Variants in DMD observed in about 807,000 individuals in gnomAD.
DMD encodes mutant dystrophin.
A neutral mutation model predicts 330.1 loss-of-function variants in DMD; 63 were observed. The observed-to-expected ratio is 0.19, with a 90% CI of 0.16 to 0.24. The LOEUF is 0.24. DMD is among the 10% of genes least tolerant of loss of function. The pLI, the probability that DMD is intolerant of heterozygous loss-of-function variation, is 1.00. For synonymous variants in DMD, 1,223 were observed against 959.8 expected (o/e 1.27, Z -5.07); for missense variants, 3,344 against 2,684.1 (o/e 1.25, Z -5.43).
intron 61 of DMD, among the ~76,000 whole-genome samples, chrX:31,328,682 C>A (rs1209590599): frequency 1.8e-5 from 2 of 110,295 alleles, no homozygotes; most frequent in Non-Finnish European, 3.8e-5. Flanking sequence ...TCCTTATATT[C>A]CAATGGGAAT....
At chrX:31,824,330 C>A (rs957314683) in intron 49 of DMD, among the ~76,000 whole-genome samples, 6 of 109,655 alleles carry the variant, frequency 5.5e-5, no homozygotes, top group African/African-American at 2.0e-4. Context: ...GTGGTGAGAT[C>A]TTGGCTCACT....
intron 7 of DMD, among the ~76,000 whole-genome samples, chrX:32,738,080 G>C (rs1237007963): frequency 1.8e-5 from 2 of 111,580 alleles, no homozygotes; most frequent in African/African-American, 6.5e-5. Flanking sequence ...AATGAGACTA[G>C]AGCTCAAGTG....
chrX:31,679,828 A>C (rs2082277815), intron 52 of DMD, among the ~76,000 whole-genome samples: 1 of 112,083 alleles, frequency 8.9e-6, no homozygotes. Context: ...ATTTTAACTC[A>C]ATTCTTGATC....
At chrX:32,297,273 T>G (rs1365013506) in intron 42 of DMD, among the ~76,000 whole-genome samples, 1 of 107,047 alleles carries the variant, frequency 9.3e-6, no homozygotes, top group Non-Finnish European at 1.9e-5. Context: ...ATTTATTTAT[T>G]ATTTATTTAT....
intron 24 of DMD, 125 bp from the exon 25 acceptor site, chrX:32,463,719 T>C (rs2098391563): frequency 3.4e-6 from 2 of 593,871 alleles, no homozygotes; most frequent in Non-Finnish European, 4.8e-6. Flanking sequence ...TCTTTTAAAA[T>C]CTGAGATACA....
At chrX:32,511,117 G>A (rs1342738619) in intron 18 of DMD, among the ~76,000 whole-genome samples, 1 of 109,951 alleles carries the variant, frequency 9.1e-6, no homozygotes, top group Non-Finnish European at 1.9e-5. Context: ...CATCTTCAAT[G>A]AAATTTGGAC....
chrX:32,799,786 A>G (rs919046098), intron 7 of DMD, among the ~76,000 whole-genome samples: 7 of 111,128 alleles, frequency 6.3e-5, no homozygotes, highest in African/African-American at 2.3e-4. Flanking sequence ...GCATAAACAT[A>G]CATAATTTAT....
intron 1 of DMD, among the ~76,000 whole-genome samples, chrX:33,267,597 A>G (rs941544021): frequency 1.8e-5 from 2 of 111,759 alleles, no homozygotes; most frequent in African/African-American, 6.5e-5. Flanking sequence ...ATCACACTAC[A>G]GTACTTCACC....
At chrX:33,240,049 T>C (rs1473210429) in intron 1 of DMD, among the ~76,000 whole-genome samples, 1 of 111,521 alleles carries the variant, frequency 9.0e-6, no homozygotes, top group Non-Finnish European at 1.9e-5. Flanking sequence ...ATGTAAGCAT[T>C]CCATAAAATC....
chrX:31,651,977 C>T (rs2148579027), intron 54 of DMD, among the ~76,000 whole-genome samples: 1 of 112,030 alleles, frequency 8.9e-6, no homozygotes, highest in Admixed American at 9.4e-5. Context: ...AGTCCACAGG[C>T]CTAAAAGGCC....
intron 44 of DMD, among the ~76,000 whole-genome samples, chrX:32,010,411 T>A (rs2150402308): frequency 9.0e-6 from 1 of 111,683 alleles, no homozygotes; most frequent in Non-Finnish European, 1.9e-5. Context: ...ATTTGCCAAA[T>A]GCTGCAAATC....
intron 11 of DMD, among the ~76,000 whole-genome samples, chrX:32,637,545 T>C (rs1227335235): frequency 8.9e-6 from 1 of 111,760 alleles, no homozygotes; most frequent in Non-Finnish European, 1.9e-5. Flanking sequence ...GGTACCAATG[T>C]ACTGTACTAG....
In DMD at chrX:32,573,602, ATCT is replaced by A; in HGVS notation, c.1737_1739del (p.Glu579del). On this transcript the variant is annotated inframe_deletion, in exon 15 of 79. Coordinates refer to ENST00000357033, the MANE Select transcript of DMD (RefSeq NM_004006.3). ...CAGTTGTGTGAATCTTGTTCACTGC[ATCT>A]TCTTTTTCTGAAAGCCATGCACTAA... 1 of 1,211,802 alleles carries A rather than the reference ATCT, an allele frequency of 8.3e-7. No homozygotes were observed. The highest frequency in any genetic ancestry group is 1.1e-6 in the Non-Finnish European group (1 of 895,325).
rs774030882 is a variant in DMD at position 31,209,457 on chromosome X, C to T, written c.9563+41G>A. On this transcript the variant is annotated intron_variant, in intron 65 of 78. Coordinates refer to ENST00000357033, the MANE Select transcript of DMD (RefSeq NM_004006.3). ...CTTCACCATTCTGTACGCTAAGCCT[C>T]CTGTGACAGAGCCCGGGAAATAAAA... 3 of 1,178,294 alleles carry T rather than the reference C, an allele frequency of 2.5e-6. No individual in the cohort carries two copies. In the Admixed American group the frequency reaches 6.5e-5, roughly 26 times the overall value.
At chrX:32,477,750 T>G (rs1294099605) in intron 21 of DMD, among the ~76,000 whole-genome samples, 1 of 110,344 alleles carries the variant, frequency 9.1e-6, no homozygotes, top group Non-Finnish European at 1.9e-5. Flanking sequence ...TCTCTCCTCT[T>G]GAAAAATAGA....
intron 7 of DMD, among the ~76,000 whole-genome samples, chrX:32,708,013 T>A (rs2064840157): frequency 8.9e-6 from 1 of 112,053 alleles, no homozygotes; most frequent in South Asian, 3.7e-4. Flanking sequence ...AAAAGTATAG[T>A]CAGTTTCAGA....
intron 67 of DMD, among the ~76,000 whole-genome samples, chrX:31,185,381 C>G (rs150592552): frequency 0.011 from 1,213 of 111,616 alleles, 14 homozygotes; most frequent in African/African-American, 0.036. Flanking sequence ...CTAGTTCCCC[C>G]CTCTCTGCCC....
At chrX:32,200,443 C>CACACATGTA (rs200231502) in intron 44 of DMD, among the ~76,000 whole-genome samples, 16,190 of 109,868 alleles carry the variant, frequency 0.15, 1,105 homozygotes, top group East Asian at 0.45. Flanking sequence ...GTAATGCAAG[C>CACACATGTA]ACACATGTAA....
intron 42 of DMD, among the ~76,000 whole-genome samples, chrX:32,308,345 A>G (rs1191997992): frequency 9.0e-6 from 1 of 111,400 alleles, no homozygotes; most frequent in African/African-American, 3.2e-5. Context: ...ATCAACCACA[A>G]TTTCAAACCT....
Sources: gnomAD v4.1 joint callset for allele counts (sites outside exome capture counted in the v4.1 genomes callset) on GRCh38, gnomAD v4.1.1 for gene constraint, MANE v1.5 for transcripts, NCBI Gene and HGNC (gene_info 2026-07-23, HGNC 2026-07-21) for gene names.